The following COL1A1 variants were observed in gnomAD, a reference collection of about 807,000 sequenced individuals.
COL1A1 encodes collagen type I alpha 1 chain, also known as collagen alpha-1(I) chain.
A neutral mutation model predicts 195.7 loss-of-function variants in COL1A1; 21 were observed. That is an observed-to-expected ratio of 0.11 (90% CI 0.08 to 0.15). COL1A1 has a LOEUF of 0.15. Among genes scored for constraint, COL1A1 ranks in the 10% least tolerant of loss-of-function variants. COL1A1 has a pLI of 1.00. For missense variants in COL1A1, 1,365 were observed against 2,051.0 expected, an observed-to-expected ratio of 0.67 and a Z score of 6.46; for synonymous variants, 749 against 747.3, an observed-to-expected ratio of 1.00 and a Z score of -0.04.
chr17:50,192,245 G>T, intron 29 of COL1A1: 3 of 723,514 alleles, frequency 4.1e-6, no homozygotes, highest in Non-Finnish European at 4.6e-6. Flanking sequence ...TCAATAGAAG[G>T]GTTGAGGGAA....
intron 25 of COL1A1, 126 bp downstream of exon 25, chr17:50,193,817 T>C: frequency 5.9e-6 from 5 of 842,860 alleles, no homozygotes; most frequent in Non-Finnish European, 8.0e-6. Context: ...GAGGCTGAGG[T>C]CCAGAAAGTG....
In COL1A1 at chr17:50,185,390, T is replaced by C. The variant is rs1319523813; in HGVS notation, c.*112A>G. On this transcript the variant is annotated 3_prime_UTR_variant, in exon 51 of 51. Transcript: ENST00000225964. ...AATATTTTCCAAAGTCCATGTGAAATTGTCTCCCATTTTTTGGCTTTTGAG... is the reference window on the plus strand; with the variant it reads ...AATATTTTCCAAAGTCCATGTGAAACTGTCTCCCATTTTTTGGCTTTTGAG... The C allele has an allele frequency of 8.5e-7, 1 of 1,178,508 alleles. No individual in the cohort carries two copies. Among genetic ancestry groups the C allele is most frequent in the African/African-American group, 1.5e-5 (1 of 65,554 alleles). 73.0% of individuals were successfully genotyped at this position (1,178,508 alleles called of 1,614,324 possible).
In COL1A1 at chr17:50,194,540, A is replaced by G; in HGVS notation, c.1515+33T>C. ...AGGAAGAAGATGCCCAGGGAGCGGC[A>G]GGGTCAGCCCCCCGGCCGCAAGGAG... On this transcript the variant is annotated intron_variant, in intron 22 of 50. Transcript: ENST00000225964. This position sits in a 1 kb window ranked among gnomAD's most constrained non-coding sequence, Gnocchi z 6.8. The G allele has an allele frequency of 6.2e-7, 1 of 1,608,422 alleles. No individual in the cohort carries two copies. The highest frequency in any genetic ancestry group is 1.1e-5 in the South Asian group (1 of 90,674).
Position 50,194,340 on chromosome 17 carries a change from G to A in COL1A1, c.1614+9C>T. On this transcript the variant is annotated intron_variant, in intron 23 of 50. Transcript: ENST00000225964. This position sits in a 1 kb window ranked among gnomAD's most constrained non-coding sequence, Gnocchi z 6.8. Reference sequence around the variant, plus strand: ...CTGGCCAAGCCAGGCTGAAAGCCTGGGGCCTCACCTTGGCACCAGGCAGAC... The same window carrying A: ...CTGGCCAAGCCAGGCTGAAAGCCTGAGGCCTCACCTTGGCACCAGGCAGAC... 1 of 1,614,028 alleles carries A rather than the reference G, an allele frequency of 6.2e-7. No homozygotes were observed. Among genetic ancestry groups the A allele is most frequent in the Non-Finnish European group, 8.5e-7 (1 of 1,179,986 alleles).
chr17:50,190,660 C>G lies in COL1A1; in HGVS notation c.2344-64G>C. On this transcript the variant is annotated intron_variant, in intron 33 of 50. Transcript: ENST00000225964. This position sits in a 1 kb window ranked among gnomAD's most constrained non-coding sequence, Gnocchi z 4.7. ...CCCTGAATACTCCTAGTAGATGACC[C>G]CAGGAGAGCCTCCCCTCCTTCTGGT... The G allele has an allele frequency of 1.3e-6, 2 of 1,572,142 alleles. No homozygotes were observed. Among genetic ancestry groups the G allele is most frequent in the East Asian group, 2.2e-5 (1 of 44,568 alleles).
chr17:50,197,244 G>A lies in COL1A1; in HGVS notation c.697-11C>T, dbSNP rs777033013. ...TTTTCCAGCTTCCCCCTGAGAGGGA[G>A]AGAAAAGACCATCATGCCTCTGCCT... On this transcript the variant is annotated splice_polypyrimidine_tract_variant and intron_variant, in intron 9 of 50. Transcript: ENST00000225964. 6.8e-6 allele frequency: 11 copies of A among 1,612,286 alleles called. No homozygotes were observed. The African/African-American group carries it at 1.1e-4, about 16-fold the overall frequency.
Position 50,190,482 on chromosome 17 carries a change from G to A in COL1A1, c.2397+61C>T. On this transcript the variant is annotated intron_variant, in intron 34 of 50. Transcript: ENST00000225964. This position sits in a 1 kb window ranked among gnomAD's most constrained non-coding sequence, Gnocchi z 4.7. ...GGGTGAAGGCACAGACAGGGCCAGG[G>A]GTGCTGTGTGAAGGGAGGGAAGGGC... The A allele has an allele frequency of 1.9e-6, 3 of 1,602,124 alleles. No homozygotes were observed.
chr17:50,193,707 T>G, intron 25 of COL1A1: 1 of 534,156 alleles, frequency 1.9e-6, no homozygotes, highest in Non-Finnish European at 3.4e-6. Context: ...GGTCTCAAAC[T>G]CCTGACCTCA....
chr17:50,192,116 C>T (rs923885299), intron 29 of COL1A1, 92 bp from the exon 30 acceptor site: 33 of 1,385,684 alleles, frequency 2.4e-5, no homozygotes, highest in South Asian at 1.1e-4. Context: ...GGGGTCTGGC[C>T]GTGATTAGAG....
At chr17:50,196,064 C>T (rs565268621) in intron 15 of COL1A1, 88 bp from the exon 16 acceptor site, 226 of 1,605,882 alleles carry the variant, frequency 1.4e-4, no homozygotes, top group Non-Finnish European at 1.8e-4. Context: ...GGGGTTCAGA[C>T]CAACATAACC....
intron 1 of COL1A1, 138 bp from the exon 2 acceptor site, chr17:50,200,085 A>C: frequency 1.0e-6 from 1 of 964,008 alleles, no homozygotes; most frequent in Non-Finnish European, 1.6e-6. Context: ...CAAATCCTTA[A>C]AAGCTCGCCT....
rs1906316980 is a variant in COL1A1, at chr17:50,184,643, G to C, written c.*859C>G. 6.4e-6 allele frequency: 1 copy of C among 157,170 alleles called. No individual in the cohort carries two copies. Among genetic ancestry groups the C allele is most frequent in the Non-Finnish European group, 1.3e-5 (1 of 74,622 alleles). 9.7% of individuals were successfully genotyped at this position (157,170 alleles called of 1,614,324 possible). On this transcript the variant is annotated 3_prime_UTR_variant, in exon 51 of 51. Coordinates refer to ENST00000225964, the MANE Select transcript of COL1A1 (RefSeq NM_000088.4). ...CACCTTTGGTATAAAATGGGGAGCC[G>C]CTTCCACCCTGCCCCCATCCCCGCC...
Position 50,190,634 on chromosome 17 carries a change from C to A in COL1A1, c.2344-38G>T, listed in dbSNP as rs377400687. 7.2e-5 allele frequency: 115 copies of A among 1,605,338 alleles called. No individual in the cohort carries two copies. The highest frequency in any genetic ancestry group is 9.1e-5 in the Non-Finnish European group (107 of 1,173,366). ...GACAAGAGGCTCAGGGTCAGGGCCT[C>A]CCCTGAATACTCCTAGTAGATGACC... On this transcript the variant is annotated intron_variant, in intron 33 of 50. Coordinates refer to ENST00000225964, the MANE Select transcript of COL1A1 (RefSeq NM_000088.4). The surrounding 1 kb of genome is among the most constrained non-coding windows in gnomAD (Gnocchi z 4.7).
rs1907383393 is a variant in COL1A1, at chr17:50,194,451, G to C, written c.1516-4C>G. The stretch of plus-strand genomic sequence containing the variant: ...AACCACGTTCACCAGCGGGACCCTG[G>C]TTGGGGGAAGTCACAGGAACAGTTA... On this transcript the variant is annotated splice_region_variant and splice_polypyrimidine_tract_variant and intron_variant, in intron 22 of 50. Coordinates refer to ENST00000225964, the MANE Select transcript of COL1A1 (RefSeq NM_000088.4). The surrounding 1 kb of genome is among the most constrained non-coding windows in gnomAD (Gnocchi z 6.8). 1 of 1,614,098 alleles carries C rather than the reference G, an allele frequency of 6.2e-7. No individual in the cohort carries two copies. The highest frequency in any genetic ancestry group is 1.1e-5 in the South Asian group (1 of 91,082).
At position 50,195,179 on chromosome 17, in the gene COL1A1, G is replaced by A. The variant is rs1907467319; in HGVS notation, c.1299+53C>T. ...GCGTCTTCCTGCTCCCCAGATGAGA[G>A]CCGCACTGGAGCCAGTGCATGGGGT... is the stretch of plus-strand genomic sequence containing the variant. On this transcript the variant is annotated intron_variant, in intron 19 of 50. Coordinates refer to ENST00000225964, the MANE Select transcript of COL1A1 (RefSeq NM_000088.4). This position sits in a 1 kb window ranked among gnomAD's most constrained non-coding sequence, Gnocchi z 4.3. 11 of 1,602,146 alleles carry A rather than the reference G, an allele frequency of 6.9e-6. No homozygotes were observed. Among genetic ancestry groups the A allele is most frequent in the Non-Finnish European group, 9.4e-6 (11 of 1,169,634 alleles).
chr17:50,194,255 CA>C lies in COL1A1; in HGVS notation c.1615-73del. ...GGAGGTGGGGGAGGACTCCAGAGGG[CA>C]GACCCTTGGGCCTGATCCAGAACGC... On this transcript the variant is annotated intron_variant, in intron 23 of 50. Transcript: ENST00000225964. The surrounding 1 kb of genome is among the most constrained non-coding windows in gnomAD (Gnocchi z 6.8). 6.3e-7 allele frequency: 1 copy of C among 1,595,194 alleles called. No homozygotes were observed. Among genetic ancestry groups the C allele is most frequent in the Non-Finnish European group, 8.6e-7 (1 of 1,164,002 alleles).
At chr17:50,198,759 G>A in intron 5 of COL1A1, 2 of 539,860 alleles carry the variant, frequency 3.7e-6, no homozygotes, top group Non-Finnish European at 3.3e-6. Flanking sequence ...AAAGTCTGAG[G>A]AACGTTCTAC....
chr17:50,188,668 G>A lies in COL1A1; in HGVS notation c.3100-31C>T, dbSNP rs1567754719. 3.7e-6 allele frequency: 6 copies of A among 1,613,202 alleles called. No homozygotes were observed. The Middle Eastern group carries it at 4.9e-4, about 133-fold the overall frequency. ...GGGGAGAGCAGGGGAATATGGGTCA[G>A]CCCCGGGTGAAGGGCCAGGATGGGG... On this transcript the variant is annotated intron_variant, in intron 42 of 50. Transcript: ENST00000225964. This position sits in a 1 kb window ranked among gnomAD's most constrained non-coding sequence, Gnocchi z 5.6.
Position 50,194,618 on chromosome 17 carries a change from A to G in COL1A1, c.1470T>C (p.Pro490=). ...CTGCGCCAGGGAAACCACGGCTACC[A>G]GGTCCACCCTGCAGGAGGAGAGGAG... ...LPGPPGERGG[P]GSRGFPGADG... is the part of the protein sequence containing the mutation. The change falls in exon 22 of 51, where the codon CCT becomes CCC. Residue 490 remains proline, a synonymous_variant. Transcript: ENST00000225964. This position sits in a 1 kb window ranked among gnomAD's most constrained non-coding sequence, Gnocchi z 6.8. 1 of 1,565,808 alleles carries G rather than the reference A, an allele frequency of 6.4e-7. No individual in the cohort carries two copies. The highest frequency in any genetic ancestry group is 1.2e-5 in the South Asian group (1 of 86,092).
Sources: allele counts gnomAD v4.1 joint callset, GRCh38; gene constraint gnomAD v4.1.1; non-coding constraint Gnocchi (gnomAD v3.1); transcripts MANE v1.5; gene names NCBI Gene and HGNC (gene_info 2026-07-23, HGNC 2026-07-21).